Variants in TTC23 observed in about 807,000 individuals in gnomAD.
TTC23 encodes the protein tetratricopeptide repeat domain 23.
In TTC23, 58 loss-of-function variants were observed where a neutral mutation model predicts 55.1. The ratio of observed to expected loss-of-function variants is 1.05; its 90% CI spans 0.85 to 1.31. The LOEUF (loss-of-function observed/expected upper bound fraction) is 1.31. Among genes scored for constraint, TTC23 ranks in the 50% most tolerant of loss-of-function variants. The pLI is 0.00. For synonymous variants in TTC23, 203 were observed against 199.9 expected (o/e 1.02, Z -0.13); for missense variants, 516 against 534.4 (o/e 0.97, Z 0.34).
chr15:99,151,274 C>A (rs2069700666), intron 12 of TTC23: 1 of 152,386 alleles, frequency 6.6e-6, no homozygotes, highest in African/African-American at 2.4e-5. Context: ...CTTGGAAGCA[C>A]CATGTTTTTA....
chr15:99,228,175 T>C (rs2078621933), intron 5 of TTC23, among the ~76,000 whole-genome samples: 2 of 152,142 alleles, frequency 1.3e-5, no homozygotes, highest in Admixed American at 6.5e-5. Context: ...AGTGAATGAG[T>C]AAAACTTTTG....
intron 9 of TTC23, among the ~76,000 whole-genome samples, chr15:99,180,958 G>T (rs539945585): frequency 2.0e-5 from 3 of 152,170 alleles, no homozygotes; most frequent in Admixed American, 6.5e-5. Flanking sequence ...GGGAAGGAGG[G>T]AACTAACATC....
At chr15:99,208,285 A>C (rs1731564402) in intron 8 of TTC23, among the ~76,000 whole-genome samples, 2 of 152,140 alleles carry the variant, frequency 1.3e-5, no homozygotes, top group African/African-American at 2.4e-5. Flanking sequence ...TATGCTATAC[A>C]TATACACAGT....
At chr15:99,139,907 T>A (rs1456234679) in intron 12 of TTC23, 1 of 435,888 alleles carries the variant, frequency 2.3e-6, no homozygotes, top group Non-Finnish European at 3.9e-6. Context: ...TGGCTTGATT[T>A]CTCCCTTCTG....
intron 5 of TTC23, among the ~76,000 whole-genome samples, chr15:99,225,094 A>G (rs896210999): frequency 2.0e-5 from 3 of 152,206 alleles, no homozygotes; most frequent in East Asian, 1.9e-4. Context: ...ATCTGTCCCA[A>G]CTACAGATTT....
intron 2 of TTC23, among the ~76,000 whole-genome samples, chr15:99,244,543 A>G (rs1257789729): frequency 6.6e-6 from 1 of 152,228 alleles, no homozygotes; most frequent in African/African-American, 2.4e-5. Context: ...CACTGATTCA[A>G]AATAGGATAA....
chr15:99,159,727 CG>C (rs2071096120), intron 11 of TTC23: 1 of 152,200 alleles, frequency 6.6e-6, no homozygotes, highest in Admixed American at 6.6e-5. Context: ...CTGAGGGCAT[CG>C]GGGAGCCAGT....
rs1408786842 is a variant in TTC23, at chr15:99,249,246, CTCT to C, written c.-509_-507del. 2 of 152,174 alleles carry C rather than the reference CTCT, an allele frequency of 1.3e-5. No individual in the cohort carries two copies. The highest frequency in any genetic ancestry group is 2.9e-5 in the Non-Finnish European group (2 of 68,048). The allele number at this position is 152,174 out of a possible 1,614,324, so 9.4% of individuals were successfully genotyped here. A position where few individuals can be genotyped will look rare whatever the true frequency, so the allele number is the denominator to read the frequency against. ...TAAAGAGAAAAATGCTCTCTGAACA[CTCT>C]TCTTCCTGCTGTCTTTAAATTGTGC... is the stretch of plus-strand genomic sequence containing the variant. On this transcript the variant is annotated 5_prime_UTR_variant, in exon 1 of 14. Coordinates refer to ENST00000394132, the MANE Select transcript of TTC23 (RefSeq NM_001288615.3).
chr15:99,191,107 A>T (rs575854029), intron 9 of TTC23, among the ~76,000 whole-genome samples: 2 of 152,140 alleles, frequency 1.3e-5, no homozygotes, highest in Non-Finnish European at 2.9e-5. Flanking sequence ...TCTAAGCTCA[A>T]CTGGGACCTG....
At chr15:99,171,774 G>A (rs1324723828) in intron 10 of TTC23, among the ~76,000 whole-genome samples, 1 of 151,784 alleles carries the variant, frequency 6.6e-6, no homozygotes, top group Non-Finnish European at 1.5e-5. Flanking sequence ...ATGTTGGCCA[G>A]GATGGTTTGA....
At chr15:99,139,067 G>A in intron 13 of TTC23, 3 of 542,722 alleles carry the variant, frequency 5.5e-6, no homozygotes, top group Middle Eastern at 5.3e-4. Flanking sequence ...TTAGCCTGCA[G>A]GGGCTGGTCT....
In TTC23 at chr15:99,221,724, G is replaced by C; in HGVS notation, c.304+17C>G. ...GAAATCGACCAACTGATCCCCCTCAGTCTAAGGCGAGCTTACCTTTCAGCT... is the reference window on the plus strand; with the variant it reads ...GAAATCGACCAACTGATCCCCCTCACTCTAAGGCGAGCTTACCTTTCAGCT... On this transcript the variant is annotated intron_variant, in intron 6 of 13. Transcript: ENST00000394132. 6.2e-7 allele frequency: 1 copy of C among 1,613,880 alleles called. No homozygotes were observed. Among genetic ancestry groups the C allele is most frequent in the Non-Finnish European group, 8.5e-7 (1 of 1,179,828 alleles).
chr15:99,146,426 T>C (rs572815516), intron 12 of TTC23, among the ~76,000 whole-genome samples: 263 of 152,366 alleles, frequency 1.7e-3, no homozygotes, highest in Admixed American at 3.6e-3. Context: ...TCCCTGACCA[T>C]TGGTCTTTCA....
intron 9 of TTC23, among the ~76,000 whole-genome samples, chr15:99,187,871 G>C (rs1206696617): frequency 6.6e-6 from 1 of 152,006 alleles, no homozygotes; most frequent in East Asian, 1.9e-4. Context: ...GGAGATATTG[G>C]AACTTTCATA....
intron 8 of TTC23, among the ~76,000 whole-genome samples, chr15:99,213,385 G>C (rs1362158627): frequency 6.6e-6 from 1 of 152,180 alleles, no homozygotes; most frequent in Non-Finnish European, 1.5e-5. Context: ...TACAGGGCCC[G>C]CCATCTGCTG....
At chr15:99,246,999 T>C (rs150704055) in intron 1 of TTC23, among the ~76,000 whole-genome samples, 366 of 151,826 alleles carry the variant, frequency 2.4e-3, no homozygotes, top group South Asian at 4.6e-3. Flanking sequence ...ATTAAAAAAA[T>C]AGGCAAAATA....
At position 99,219,007 on chromosome 15, in the gene TTC23, G is replaced by A. The variant is rs781011927; in HGVS notation, c.346C>T (p.Gln116Ter). 4.3e-6 allele frequency: 7 copies of A among 1,614,050 alleles called. No homozygotes were observed. The highest frequency in any genetic ancestry group is 1.7e-6 in the Non-Finnish European group (2 of 1,180,024). Residue 116 changes from glutamine (Q) to a stop codon, truncating the protein, a stop_gained, in exon 7 of 14, where the codon CAA becomes TAA. Coordinates refer to ENST00000394132, the MANE Select transcript of TTC23 (RefSeq NM_001288615.3). LOFTEE classifies it high-confidence loss of function. ...QAKQHAEKAR[Q>*]ILANSIVPPY... ...GGCACAATGGAGTTGGCGAGGATTT[G>A]TCTGGCTTTTTCTGCATGTTGTTTT...
chr15:99,161,686 C>T (rs1567361360), intron 11 of TTC23, 54 bp downstream of exon 11: 1 of 1,572,856 alleles, frequency 6.4e-7, no homozygotes, highest in Non-Finnish European at 8.6e-7. Flanking sequence ...AAAGGAGTTG[C>T]CCTTTGGATA....
chr15:99,199,942 C>T lies in TTC23; in HGVS notation c.736G>A (p.Val246Ile), dbSNP rs1285388706. ...ACCTGGAGGAAGTGGTTGATGGATA[C>T]ATCGTGGAGTCCCAGGGCTTGCTCT... ...GVEQALGLHD[V>I]SINHFLQAHL... Residue 246 changes from valine to isoleucine, a missense_variant, in exon 9 of 14, where the codon GTA becomes ATA. Val to Ile is a conservative substitution (Grantham distance 29, BLOSUM62 3). Transcript: ENST00000394132. 1.2e-6 allele frequency: 2 copies of T among 1,612,274 alleles called. No homozygotes were observed. The highest frequency in any genetic ancestry group is 1.6e-4 in the Middle Eastern group (1 of 6,080).
Sources: allele counts gnomAD v4.1 joint callset (sites outside exome capture counted in the v4.1 genomes callset), GRCh38; gene constraint gnomAD v4.1.1; transcripts MANE v1.5; gene names NCBI Gene and HGNC (gene_info 2026-07-23, HGNC 2026-07-21).